The following AUTS2 variants were observed in gnomAD, a reference collection of about 807,000 sequenced individuals.
The protein encoded by AUTS2 is autism susceptibility gene 2 protein.
A neutral mutation model predicts 112.4 loss-of-function variants in AUTS2; 17 were observed. The observed-to-expected ratio is 0.15, with a 90% CI of 0.10 to 0.23. The LOEUF (loss-of-function observed/expected upper bound fraction) is 0.23. Among genes scored for constraint, AUTS2 ranks in the 10% least tolerant of loss-of-function variants. The pLI, the probability that AUTS2 is intolerant of heterozygous loss-of-function variation, is 1.00. For synonymous variants in AUTS2, 751 were observed against 702.7 expected, an observed-to-expected ratio of 1.07 and a Z score of -1.09; for missense variants, 1,510 against 1,701.6, an observed-to-expected ratio of 0.89 and a Z score of 1.98.
At chr7:70,781,337 G>A (rs1293003340) in intron 14 of AUTS2, 1 of 236,278 alleles carries the variant, frequency 4.2e-6, no homozygotes, top group Non-Finnish European at 7.3e-6. Context: ...CTCCAGCCTG[G>A]AAAGCAGAGT....
chr7:69,799,336 C>T (rs1018789026), intron 1 of AUTS2, among the ~76,000 whole-genome samples: 1 of 152,072 alleles, frequency 6.6e-6, no homozygotes, highest in Non-Finnish European at 1.5e-5. Flanking sequence ...GTCTGTTGCC[C>T]AGGCTGGTTT....
At chr7:70,001,345 C>G (rs1033117527) in intron 2 of AUTS2, among the ~76,000 whole-genome samples, 1 of 152,004 alleles carries the variant, frequency 6.6e-6, no homozygotes, top group East Asian at 1.9e-4. Flanking sequence ...AGGCTGGTCT[C>G]GAACACGTGA....
At chr7:70,223,185 C>G (rs551757126) in intron 4 of AUTS2, among the ~76,000 whole-genome samples, 1 of 152,122 alleles carries the variant, frequency 6.6e-6, no homozygotes, top group Non-Finnish European at 1.5e-5. Flanking sequence ...CTGCGCCTGG[C>G]TGAAATTTGC....
At chr7:70,700,797 T>G (rs1178564614) in intron 6 of AUTS2, among the ~76,000 whole-genome samples, 2 of 152,142 alleles carry the variant, frequency 1.3e-5, no homozygotes, top group African/African-American at 2.4e-5. Flanking sequence ...GTAGTGGCAG[T>G]GTTTACAGGA....
At chr7:70,366,445 G>C (rs1375049533) in intron 4 of AUTS2, among the ~76,000 whole-genome samples, 1 of 152,166 alleles carries the variant, frequency 6.6e-6, no homozygotes, top group East Asian at 1.9e-4. Flanking sequence ...AGCAGGTGAA[G>C]GCTGTGGTAT....
At chr7:69,621,724 G>T (rs2129091774) in intron 1 of AUTS2, among the ~76,000 whole-genome samples, 2 of 152,264 alleles carry the variant, frequency 1.3e-5, no homozygotes, top group Admixed American at 1.3e-4. Context: ...AGGGAGGAGG[G>T]TGGTAGACAT....
chr7:70,763,384 C>T, intron 7 of AUTS2, 43 bp downstream of exon 7: 1 of 1,447,288 alleles, frequency 6.9e-7, no homozygotes, highest in Non-Finnish European at 9.4e-7. Flanking sequence ...TGCCCTCTCC[C>T]TGGGGATCAG....
intron 1 of AUTS2, among the ~76,000 whole-genome samples, chr7:69,611,170 A>T (rs1239460800): frequency 6.6e-6 from 1 of 152,054 alleles, no homozygotes; most frequent in Non-Finnish European, 1.5e-5. Context: ...GAAAATAGTT[A>T]TTTTTCAGAA....
At chr7:69,711,774 T>C (rs1007049074) in intron 1 of AUTS2, among the ~76,000 whole-genome samples, 1 of 152,206 alleles carries the variant, frequency 6.6e-6, no homozygotes, top group African/African-American at 2.4e-5. Context: ...AACCAGTCTT[T>C]GTAACAAAGA....
At chr7:69,727,229 C>T (rs1384283727) in intron 1 of AUTS2, among the ~76,000 whole-genome samples, 1 of 152,064 alleles carries the variant, frequency 6.6e-6, no homozygotes, top group African/African-American at 2.4e-5. Flanking sequence ...TTTATCTAGT[C>T]GTTCCAGCAC....
At chr7:69,716,414 G>T (rs1156814846) in intron 1 of AUTS2, among the ~76,000 whole-genome samples, 1 of 152,018 alleles carries the variant, frequency 6.6e-6, no homozygotes. Context: ...CAAATTAAGA[G>T]AAATTTTCGA....
chr7:70,212,359 C>T lies in AUTS2; in HGVS notation c.660+77788C>T, dbSNP rs991455038. Among the ~76,000 whole-genome samples, 3 of 152,174 alleles carry T rather than the reference C, an allele frequency of 2.0e-5. No individual in the cohort carries two copies. In the South Asian group the frequency reaches 6.2e-4, roughly 32 times the overall value. ...TCACGGCATCTGCTTAGCAGTTTCACCAGCTCATAGTTGGGACTCATCCCT... is the reference window on the plus strand; with the variant it reads ...TCACGGCATCTGCTTAGCAGTTTCATCAGCTCATAGTTGGGACTCATCCCT... On this transcript the variant is annotated intron_variant, in intron 4 of 18. Coordinates refer to ENST00000342771, the MANE Select transcript of AUTS2 (RefSeq NM_015570.4).
chr7:70,159,641 G>C (rs983198588), intron 4 of AUTS2, among the ~76,000 whole-genome samples: 5 of 152,006 alleles, frequency 3.3e-5, no homozygotes, highest in Non-Finnish European at 7.4e-5. Flanking sequence ...CAATGCTGGG[G>C]GTGTTTAAAT....
chr7:70,211,965 A>G lies in AUTS2; in HGVS notation c.660+77394A>G, dbSNP rs575641362. Among the ~76,000 whole-genome samples, 171 of 152,096 alleles carry G rather than the reference A, an allele frequency of 1.1e-3. 1 individual carries two copies. The highest frequency in any genetic ancestry group is 1.9e-3 in the Admixed American group (29 of 15,290). ...CTCACCACTGCACTCCAGCCTGGGCAACAGAGCGAGACTCCGTCTCAAAGA... is the reference window on the plus strand; with the variant it reads ...CTCACCACTGCACTCCAGCCTGGGCGACAGAGCGAGACTCCGTCTCAAAGA... On this transcript the variant is annotated intron_variant, in intron 4 of 18. Coordinates refer to ENST00000342771, the MANE Select transcript of AUTS2 (RefSeq NM_015570.4).
intron 4 of AUTS2, among the ~76,000 whole-genome samples, chr7:70,359,795 T>C (rs1792175653): frequency 6.6e-6 from 1 of 152,176 alleles, no homozygotes; most frequent in Admixed American, 6.5e-5. Flanking sequence ...CACAGCAGCT[T>C]CTAAAATTAG....
At chr7:69,637,861 T>C (rs1467053807) in intron 1 of AUTS2, among the ~76,000 whole-genome samples, 3 of 152,172 alleles carry the variant, frequency 2.0e-5, no homozygotes, top group Non-Finnish European at 2.9e-5. Context: ...TGAACATTTG[T>C]TATGCTGCTC....
intron 4 of AUTS2, among the ~76,000 whole-genome samples, chr7:70,241,854 A>C (rs1584921655): frequency 6.6e-6 from 1 of 152,236 alleles, no homozygotes; most frequent in African/African-American, 2.4e-5. Flanking sequence ...ACACACCTGC[A>C]TTAAACCAGT....
intron 2 of AUTS2, among the ~76,000 whole-genome samples, chr7:69,938,614 T>C (rs1179826779): frequency 3.9e-5 from 6 of 152,118 alleles, no homozygotes; most frequent in African/African-American, 1.2e-4. Context: ...CTCTGGTACA[T>C]AGAGGGTCGG....
chr7:69,648,086 C>T (rs996639809), intron 1 of AUTS2, among the ~76,000 whole-genome samples: 3 of 151,992 alleles, frequency 2.0e-5, no homozygotes, highest in Non-Finnish European at 4.4e-5. Context: ...AGGGCTTTAA[C>T]GTATATTTCT....
Sources: gnomAD v4.1 joint callset for allele counts (sites outside exome capture counted in the v4.1 genomes callset) on GRCh38, gnomAD v4.1.1 for gene constraint, MANE v1.5 for transcripts, NCBI Gene and HGNC (gene_info 2026-07-23, HGNC 2026-07-21) for gene names.